The following ANKRD26 variants were observed in gnomAD, a reference collection of about 807,000 sequenced individuals.
ANKRD26 encodes the protein ankyrin repeat domain 26.
Under a neutral mutation model 208.7 loss-of-function variants are expected in ANKRD26, and 141 were observed. The ratio of observed to expected loss-of-function variants is 0.68; its 90% CI spans 0.59 to 0.78. The LOEUF is 0.78. Ranked by LOEUF, ANKRD26 falls within the 30% of genes least tolerant of loss-of-function variation. The pLI is 0.00. For synonymous variants in ANKRD26, 636 were observed against 660.4 expected (o/e 0.96, Z 0.57); for missense variants, 1,889 against 1,938.7 (o/e 0.97, Z 0.48).
At chr10:26,977,047 CCGGAAA>C (rs2052238628) in intron 5 of ANKRD26, among the ~76,000 whole-genome samples, 1 of 152,178 alleles carries the variant, frequency 6.6e-6, no homozygotes, top group Non-Finnish European at 1.5e-5. Flanking sequence ...GTCCCCACCC[CCGGAAA>C]CTTCGATGCT....
Position 27,079,091 on chromosome 10 carries a change from T to C in ANKRD26, c.811A>G (p.Lys271Glu). The C allele has an allele frequency of 6.2e-7, 1 of 1,611,160 alleles. No homozygotes were observed. The highest frequency in any genetic ancestry group is 8.5e-7 in the Non-Finnish European group (1 of 1,177,422). ...AAGTTCATGAGAGAGCACTTTACCT[T>C]AGTATCAAAATTGAGGTCTTCGTCA... ...SDDEDLNFDT[K>E]NVPKPSLAKL... Residue 271 changes from lysine to glutamate, a missense_variant and splice_region_variant, in exon 7 of 34, where the codon AAG (lysine) becomes GAG (glutamate). By Grantham distance (56) the Lys-to-Glu change is moderately conservative. This residue lies in a region of ANKRD26 where 1,272 missense variants were observed against 1,273.8 expected (regional missense o/e 1.00). Coordinates refer to ENST00000376087, the MANE Select transcript of ANKRD26 (RefSeq NM_014915.3).
downstream of ANKRD26, among the ~76,000 whole-genome samples, chr10:26,989,709 G>A (rs956394754): frequency 4.6e-5 from 7 of 152,146 alleles, no homozygotes; most frequent in African/African-American, 1.2e-4. Context: ...TTCCTGATGA[G>A]AGGCTGCCAC....
At chr10:26,965,731 A>G in the ANKRD26 span, among the ~76,000 whole-genome samples, 1 of 152,238 alleles carries the variant, frequency 6.6e-6, no homozygotes, top group African/African-American at 2.4e-5. Flanking sequence ...TAATCTACCC[A>G]TCTGACAAAG....
At chr10:27,096,686 A>G (rs903166383) in intron 1 of ANKRD26, among the ~76,000 whole-genome samples, 2 of 151,294 alleles carry the variant, frequency 1.3e-5, no homozygotes, top group African/African-American at 2.4e-5. Flanking sequence ...GAATTGCTTG[A>G]ACCTGGGAGG....
chr10:27,084,557 T>G (rs1485617993), intron 5 of ANKRD26, among the ~76,000 whole-genome samples: 2 of 152,330 alleles, frequency 1.3e-5, no homozygotes, highest in East Asian at 3.9e-4. Context: ...GGTAGCATAG[T>G]AGCATTTTTG....
chr10:26,994,302 C>G (rs1164976417), intron 5 of ANKRD26, among the ~76,000 whole-genome samples: 1 of 152,182 alleles, frequency 6.6e-6, no homozygotes, highest in African/African-American at 2.4e-5. Context: ...AAAAACAGAT[C>G]AGGAGTAAAC....
At chr10:27,096,483 GC>G (rs1489982292) in intron 1 of ANKRD26, among the ~76,000 whole-genome samples, 5 of 152,282 alleles carry the variant, frequency 3.3e-5, no homozygotes, top group Admixed American at 2.0e-4. Context: ...ATCAACTCTG[GC>G]CTGGTGCAGT....
intron 5 of ANKRD26, among the ~76,000 whole-genome samples, chr10:26,993,620 T>C (rs1341907845): frequency 6.6e-6 from 1 of 152,218 alleles, no homozygotes; most frequent in Non-Finnish European, 1.5e-5. Context: ...AGCTGGACCT[T>C]TCCTCTGAAA....
At chr10:26,984,090 A>G (rs1468220576) in intron 3 of ANKRD26, among the ~76,000 whole-genome samples, 5 of 152,222 alleles carry the variant, frequency 3.3e-5, no homozygotes, top group African/African-American at 1.2e-4. Flanking sequence ...GCATAGGAAA[A>G]GAGCATAAAT....
At chr10:27,093,241 G>T in intron 3 of ANKRD26, 108 bp downstream of exon 3, 1 of 1,022,848 alleles carries the variant, frequency 9.8e-7, no homozygotes, top group Non-Finnish European at 1.5e-6. Context: ...AATACTTTCA[G>T]TCAGGGAATG....
At chr10:27,051,580 C>G in intron 16 of ANKRD26, 1 of 985,124 alleles carries the variant, frequency 1.0e-6, no homozygotes. Flanking sequence ...TGTTCAGTGT[C>G]TGGTTTGTTA....
intron 16 of ANKRD26, chr10:27,051,620 T>C (rs1410403694): frequency 1.0e-6 from 1 of 985,304 alleles, no homozygotes; most frequent in South Asian, 4.7e-5. Context: ...TATTTTCATT[T>C]AAATAAGGCT....
the ANKRD26 span, among the ~76,000 whole-genome samples, chr10:26,957,610 A>T: frequency 0.017 from 2,524 of 152,274 alleles, 155 homozygotes; most frequent in East Asian, 0.17. Flanking sequence ...TAATTAAAAA[A>T]AGAAACGGAA....
At chr10:27,070,098 A>AT (rs1165939793) in intron 9 of ANKRD26, among the ~76,000 whole-genome samples, 2 of 115,938 alleles carry the variant, frequency 1.7e-5, no homozygotes, top group African/African-American at 8.0e-5. Context: ...GAGACTCTGT[A>AT]TTTAAAAAAA....
chr10:27,046,488 C>T lies in ANKRD26; in HGVS notation c.1850G>A (p.Ser617Asn), dbSNP rs2054449939. The T allele has an allele frequency of 6.2e-7, 1 of 1,613,810 alleles. No individual in the cohort carries two copies. The highest frequency in any genetic ancestry group is 1.3e-5 in the African/African-American group (1 of 74,848). Residue 617 changes from serine (S) to asparagine (N), a missense_variant, in exon 18 of 34, where the codon AGC (serine) becomes AAC (asparagine). Physicochemically the swap from Ser to Asn is conservative, Grantham distance 46. Transcript: ENST00000376087. ...GPALQMKEVK[S>N]TEKEKRTSKE... ...CGAGGTCCGTTTTTCTTTTTCAGTG[C>T]TCTTTACTTCCTTCATTTGCAAGGC...
Position 26,994,778 on chromosome 10 carries a change from G to A in ANKRD26, c.*29+263C>T, listed in dbSNP as rs181795636. On this transcript the variant is annotated intron_variant, in intron 5 of 5. Coordinates refer to the ANKRD26 transcript ENST00000445828. ...ATTTTTTATGGGTTGCCCCGAGAAG[G>A]TTAAATATCTTCTCTCCTTCTGTAG... is the stretch of plus-strand genomic sequence containing the variant. Among the ~76,000 whole-genome samples the A allele has an allele frequency of 6.2e-4, 94 of 152,294 alleles. No individual in the cohort carries two copies. In the East Asian group the frequency reaches 0.016, roughly 26 times the overall value.
Position 27,074,575 on chromosome 10 carries a change from G to C in ANKRD26, c.1077+2763C>G, listed in dbSNP as rs1054600120. Among the ~76,000 whole-genome samples, 26 of 152,266 alleles carry C rather than the reference G, an allele frequency of 1.7e-4. 1 individual carries two copies. Among genetic ancestry groups the C allele is most frequent in the Admixed American group, 1.2e-3 (18 of 15,292 alleles). The stretch of plus-strand genomic sequence containing the variant: ...GTATACCTGTAATCCTAGCTACTAG[G>C]GGGGCTGAAGCAGGAGAAGTGCTTG... On this transcript the variant is annotated intron_variant, in intron 9 of 33. Coordinates refer to ENST00000376087, the MANE Select transcript of ANKRD26 (RefSeq NM_014915.3).
the ANKRD26 span, among the ~76,000 whole-genome samples, chr10:26,957,654 C>T: frequency 6.6e-6 from 1 of 152,102 alleles, no homozygotes; most frequent in Admixed American, 6.6e-5. Flanking sequence ...CTGTGACTTT[C>T]CTGTAAGCTA....
At chr10:27,045,281 G>A (rs574930233) in intron 18 of ANKRD26, among the ~76,000 whole-genome samples, 9 of 152,138 alleles carry the variant, frequency 5.9e-5, no homozygotes, top group South Asian at 2.1e-4. Context: ...AAAAATAGCC[G>A]GGCATGGTGG....
Sources: gnomAD v4.1 joint callset for allele counts (sites outside exome capture counted in the v4.1 genomes callset) on GRCh38, gnomAD v4.1.1 for gene constraint, gnomAD v4.1.1 regional missense constraint, MANE v1.5 for transcripts, NCBI Gene and HGNC (gene_info 2026-07-23, HGNC 2026-07-21) for gene names.